The following SMARCA2 variants were observed in gnomAD, a reference collection of about 807,000 sequenced individuals.
The protein encoded by SMARCA2 is SWI/SNF-related matrix-associated actin-dependent regulator of chromatin subfamily A member 2.
Under a neutral mutation model 199.8 loss-of-function variants are expected in SMARCA2, and 61 were observed. The ratio of observed to expected loss-of-function variants is 0.31; its 90% CI spans 0.25 to 0.38. The LOEUF is 0.38. Among genes scored for constraint, SMARCA2 ranks in the 10% least tolerant of loss-of-function variants. SMARCA2 has a pLI of 1.00. For synonymous variants in SMARCA2, 935 were observed against 732.0 expected, an observed-to-expected ratio of 1.28 and a Z score of -4.48; for missense variants, 1,344 against 2,012.2, an observed-to-expected ratio of 0.67 and a Z score of 6.35.
intron 9 of SMARCA2, among the ~76,000 whole-genome samples, chr9:2,066,187 TAAC>T (rs932660920): frequency 6.6e-6 from 1 of 152,208 alleles, no homozygotes; most frequent in African/African-American, 2.4e-5. Flanking sequence ...TATATTATAA[TAAC>T]ACCCACTGGG....
chr9:2,157,737 C>G (rs1384784867), intron 27 of SMARCA2: 1 of 390,620 alleles, frequency 2.6e-6, no homozygotes, highest in Non-Finnish European at 4.5e-6. Context: ...TTTTTGTTTG[C>G]GTGTCCCTGT....
At position 2,186,217 on chromosome 9, in the gene SMARCA2, C is replaced by T. The variant is rs762148677; in HGVS notation, c.4583C>T (p.Ser1528Leu). 7 of 1,613,812 alleles carry T rather than the reference C, an allele frequency of 4.3e-6. No individual in the cohort carries two copies. In the Admixed American group the frequency reaches 1.0e-4, roughly 23 times the overall value. Residue 1528 changes from serine to leucine, a missense_variant, in exon 32 of 34, where the codon TCA becomes TTA. Around this residue, in one of 18 missense-constraint regions of SMARCA2, gnomAD observed 155 missense variants for 121.1 expected, o/e 1.28. Coordinates refer to ENST00000349721, the MANE Select transcript of SMARCA2 (RefSeq NM_003070.5). ...EEEEEEDEEESESEAKSVKVK... is the reference protein window; with the variant it reads ...EEEEEEDEEELESEAKSVKVK... ...GAGGAAGAGGAAGATGAAGAAGAGT[C>T]AGAGTCCGAGGGTAAGCCCAGACAT...
chr9:2,189,271 T>C (rs1020164257), intron 32 of SMARCA2, among the ~76,000 whole-genome samples: 4 of 152,300 alleles, frequency 2.6e-5, no homozygotes, highest in African/African-American at 7.2e-5. Flanking sequence ...GGAAGCTGTT[T>C]ATAGGGCTCA....
intron 9 of SMARCA2, among the ~76,000 whole-genome samples, chr9:2,067,549 T>C (rs187421169): frequency 4.6e-5 from 7 of 152,330 alleles, no homozygotes; most frequent in African/African-American, 1.7e-4. Context: ...GGATTGTACA[T>C]GTCGAAATAG....
intron 27 of SMARCA2, among the ~76,000 whole-genome samples, chr9:2,128,261 T>G (rs1358141184): frequency 6.6e-6 from 1 of 152,236 alleles, no homozygotes; most frequent in East Asian, 1.9e-4. Context: ...GGTCTGCTCC[T>G]TTCCTGGGAG....
At chr9:2,156,133 A>C (rs1825347741) in intron 27 of SMARCA2, among the ~76,000 whole-genome samples, 1 of 152,180 alleles carries the variant, frequency 6.6e-6, no homozygotes, top group Admixed American at 6.5e-5. Flanking sequence ...TCCCTTAATA[A>C]CCTTTGAAAG....
chr9:2,147,847 C>G (rs1444943812), intron 27 of SMARCA2, among the ~76,000 whole-genome samples: 1 of 142,846 alleles, frequency 7.0e-6, no homozygotes, highest in African/African-American at 2.5e-5. Flanking sequence ...GACTCCGTCT[C>G]AAAAAAAAAA....
At chr9:2,106,718 T>C (rs1017651672) in intron 23 of SMARCA2, among the ~76,000 whole-genome samples, 1 of 152,254 alleles carries the variant, frequency 6.6e-6, no homozygotes, top group Non-Finnish European at 1.5e-5. Context: ...GCAGAAATTT[T>C]CTGCAAAGAT....
At chr9:2,096,177 C>T (rs368295084) in intron 19 of SMARCA2, among the ~76,000 whole-genome samples, 1 of 152,142 alleles carries the variant, frequency 6.6e-6, no homozygotes, top group Admixed American at 6.5e-5. Context: ...TTATAAATCT[C>T]ACTTTAAGAC....
chr9:2,159,263 A>G (rs1242960247), intron 27 of SMARCA2, among the ~76,000 whole-genome samples: 2 of 152,232 alleles, frequency 1.3e-5, no homozygotes, highest in Admixed American at 1.3e-4. Flanking sequence ...GAAAAATTTT[A>G]CAGCATGAAA....
At chr9:2,156,221 G>C (rs1275763823) in intron 27 of SMARCA2, among the ~76,000 whole-genome samples, 1 of 152,074 alleles carries the variant, frequency 6.6e-6, no homozygotes, top group Non-Finnish European at 1.5e-5. Context: ...AATGTTAAAA[G>C]GGTTGAATTC....
chr9:2,187,525 A>G (rs964913512), intron 32 of SMARCA2, among the ~76,000 whole-genome samples: 51 of 152,304 alleles, frequency 3.3e-4, no homozygotes, highest in African/African-American at 1.2e-3. Context: ...GTTTGTAAAA[A>G]GAAATAGCCA....
chr9:2,177,609 G>A (rs528330995), intron 29 of SMARCA2, among the ~76,000 whole-genome samples: 35 of 152,024 alleles, frequency 2.3e-4, no homozygotes, highest in African/African-American at 8.4e-4. Context: ...CTGGAGTGCA[G>A]TGGCGCGATC....
chr9:2,037,248 A>G (rs533282815), intron 3 of SMARCA2, among the ~76,000 whole-genome samples: 1 of 152,216 alleles, frequency 6.6e-6, no homozygotes, highest in Non-Finnish European at 1.5e-5. Context: ...GTTTATTGTT[A>G]TAATAACAAC....
intron 29 of SMARCA2, among the ~76,000 whole-genome samples, chr9:2,178,069 G>C (rs1001350352): frequency 1.6e-5 from 2 of 125,984 alleles, no homozygotes; most frequent in African/African-American, 6.2e-5. Flanking sequence ...AATCTCAGTA[G>C]TGTGTGTATA....
rs1400064443 is a variant in SMARCA2 at position 2,181,666 on chromosome 9, A to G, written c.4349A>G (p.Lys1450Arg). ...YELIRKPVDF[K>R]KIKERIRNHK... Reference sequence around the variant, plus strand: ...TTAATTAGGAAGCCAGTGGATTTCAAAAAAATAAAGGTAGATATTTTGTTT... The same window carrying G: ...TTAATTAGGAAGCCAGTGGATTTCAGAAAAATAAAGGTAGATATTTTGTTT... Residue 1450 changes from lysine to arginine, a missense_variant, in exon 30 of 34, where the codon AAA becomes AGA. Coordinates refer to ENST00000349721, the MANE Select transcript of SMARCA2 (RefSeq NM_003070.5). 7.6e-6 allele frequency: 11 copies of G among 1,440,338 alleles called. No individual in the cohort carries two copies. The highest frequency in any genetic ancestry group is 1.1e-5 in the Non-Finnish European group (11 of 1,021,848). 89.2% of individuals were successfully genotyped at this position (1,440,338 alleles called of 1,614,324 possible). A position where few individuals can be genotyped will look rare whatever the true frequency, so the allele number is the denominator to read the frequency against.
intron 17 of SMARCA2, among the ~76,000 whole-genome samples, chr9:2,084,762 C>G (rs1821728179): frequency 6.6e-6 from 1 of 152,094 alleles, no homozygotes; most frequent in African/African-American, 2.4e-5. Flanking sequence ...GTTTCTGTGA[C>G]TATTTATTTG....
chr9:2,175,828 AGTT>A (rs1409483905), intron 29 of SMARCA2, among the ~76,000 whole-genome samples: 4 of 151,970 alleles, frequency 2.6e-5, no homozygotes, highest in African/African-American at 9.7e-5. Context: ...TTGAGGTTGA[AGTT>A]GTACTGCACT....
At chr9:2,122,960 G>T in intron 26 of SMARCA2, among the ~76,000 whole-genome samples, 1 of 152,188 alleles carries the variant, frequency 6.6e-6, no homozygotes, top group Non-Finnish European at 1.5e-5. Flanking sequence ...AAGAGAGAAG[G>T]TGGGGAAGTA....
Sources: allele counts gnomAD v4.1 joint callset (sites outside exome capture counted in the v4.1 genomes callset), GRCh38; gene constraint gnomAD v4.1.1; regional missense constraint gnomAD v4.1.1; transcripts MANE v1.5; gene names NCBI Gene and HGNC (gene_info 2026-07-23, HGNC 2026-07-21).